GPD1L: variants seen among roughly 807,000 people sequenced by gnomAD.
GPD1L encodes the protein glycerol-3-phosphate dehydrogenase 1-like protein.
A neutral mutation model predicts 32.9 loss-of-function variants in GPD1L; 17 were observed. The ratio of observed to expected loss-of-function variants is 0.52; its 90% confidence interval spans 0.35 to 0.78. The LOEUF (loss-of-function observed/expected upper bound fraction) is 0.78, where lower values mean the gene tolerates loss of function less well. Among genes scored for constraint, GPD1L ranks in the 30% least tolerant of loss-of-function variants. GPD1L has a pLI of 0.01. For missense variants in GPD1L, 361 were observed against 447.8 expected (o/e 0.81, Z 1.75); for synonymous variants, 187 against 165.9 (o/e 1.13, Z -0.98).
intron 4 of GPD1L, among the ~76,000 whole-genome samples, chr3:32,143,035 T>G (rs1267305382): frequency 6.6e-6 from 1 of 152,056 alleles, no homozygotes; most frequent in Admixed American, 6.5e-5. Flanking sequence ...AATTTTTTAA[T>G]TAGCCTGGTA....
At chr3:32,113,650 A>G (rs1249181112) in intron 1 of GPD1L, among the ~76,000 whole-genome samples, 1 of 152,194 alleles carries the variant, frequency 6.6e-6, no homozygotes, top group Non-Finnish European at 1.5e-5. Context: ...CACAATTGGA[A>G]GAGGAGAACT....
chr3:32,154,699 C>G (rs1700963211), intron 5 of GPD1L, among the ~76,000 whole-genome samples: 1 of 152,010 alleles, frequency 6.6e-6, no homozygotes, highest in African/African-American at 2.4e-5. Flanking sequence ...GCTCTTAGAA[C>G]AGTTCAGTAA....
chr3:32,122,149 A>G (rs1436243087), intron 1 of GPD1L, among the ~76,000 whole-genome samples: 1 of 152,042 alleles, frequency 6.6e-6, no homozygotes, highest in Non-Finnish European at 1.5e-5. Context: ...GAGGATGGGG[A>G]CTTGTCTGCG....
At chr3:32,113,831 C>T (rs927411620) in intron 1 of GPD1L, among the ~76,000 whole-genome samples, 15 of 152,118 alleles carry the variant, frequency 9.9e-5, no homozygotes, top group Non-Finnish European at 5.9e-5. Flanking sequence ...TGGCTGGTGA[C>T]TTGGTTGGAC....
intron 2 of GPD1L, among the ~76,000 whole-genome samples, chr3:32,133,120 A>G (rs866583849): frequency 1.3e-4 from 20 of 152,228 alleles, no homozygotes; most frequent in African/African-American, 4.6e-4. Flanking sequence ...GTGAGTTGCC[A>G]TGGTGTCCGG....
Position 32,144,578 on chromosome 3 carries a change from T to C in GPD1L, c.506-2044T>C, listed in dbSNP as rs138324636. On this transcript the variant is annotated intron_variant, in intron 4 of 7. Transcript: ENST00000282541. ...GGGATTTTCCTGTCTTTGGTTTACA[T>C]TGAGTTTTGGGCAACCTTCCCACAT... Among the ~76,000 whole-genome samples the C allele has an allele frequency of 1.3e-4, 20 of 152,282 alleles. No individual in the cohort carries two copies. In the East Asian group the frequency reaches 1.4e-3, roughly 10 times the overall value.
chr3:32,162,911 C>G (rs1701090852), intron 7 of GPD1L, among the ~76,000 whole-genome samples: 1 of 151,484 alleles, frequency 6.6e-6, no homozygotes, highest in African/African-American at 2.4e-5. Context: ...GGCGTGTGCC[C>G]CTATACCCAG....
chr3:32,125,590 T>G (rs1229920313), intron 1 of GPD1L, among the ~76,000 whole-genome samples: 25 of 152,370 alleles, frequency 1.6e-4, no homozygotes, highest in Non-Finnish European at 1.0e-4. Context: ...TGGATCAACA[T>G]GTATTGCAGT....
rs531969575 is a variant in GPD1L, at chr3:32,115,851, C to T, written c.47+9093C>T. ...TTGCACAGGTTGGAGTGCAGTGGCA[C>T]GATCTTGGCTCACTGCAACCTCCAC... On this transcript the variant is annotated intron_variant, in intron 1 of 7. Transcript: ENST00000282541. Among the ~76,000 whole-genome samples, 25 of 136,744 alleles carry T rather than the reference C, an allele frequency of 1.8e-4. 1 individual carries two copies. Among genetic ancestry groups the T allele is most frequent in the Non-Finnish European group, 2.9e-4 (19 of 64,818 alleles). 89.7% of individuals were successfully genotyped at this position (136,744 alleles called of 152,430 possible). A position where few individuals can be genotyped will look rare whatever the true frequency, so the allele number is the denominator to read the frequency against.
chr3:32,148,037 C>T (rs866607426), intron 5 of GPD1L, among the ~76,000 whole-genome samples: 3 of 152,174 alleles, frequency 2.0e-5, no homozygotes, highest in Non-Finnish European at 4.4e-5. Flanking sequence ...ACATGTAAGA[C>T]GCTGACTTTG....
At chr3:32,163,728 G>A (rs1241779442) in intron 7 of GPD1L, among the ~76,000 whole-genome samples, 7 of 152,150 alleles carry the variant, frequency 4.6e-5, no homozygotes, top group East Asian at 1.9e-4. Flanking sequence ...CAAGTTACTC[G>A]TCTGTAGAAA....
chr3:32,165,063 G>A (rs1043096404), intron 7 of GPD1L, among the ~76,000 whole-genome samples: 1 of 152,162 alleles, frequency 6.6e-6, no homozygotes, highest in African/African-American at 2.4e-5. Context: ...AATTAGCCAG[G>A]CGTGGTGGCA....
chr3:32,154,283 G>T (rs1000442439), intron 5 of GPD1L, among the ~76,000 whole-genome samples: 1 of 152,140 alleles, frequency 6.6e-6, no homozygotes, highest in African/African-American at 2.4e-5. Context: ...AAGCTTTGGG[G>T]TGGTCTAGAC....
chr3:32,140,516 T>A, intron 4 of GPD1L, 150 bp downstream of exon 4: 1 of 867,326 alleles, frequency 1.2e-6, no homozygotes. Flanking sequence ...GGGTTTTACT[T>A]AAGGAGGCTA....
At chr3:32,120,503 G>A (rs1312576773) in intron 1 of GPD1L, among the ~76,000 whole-genome samples, 1 of 152,196 alleles carries the variant, frequency 6.6e-6, no homozygotes, top group African/African-American at 2.4e-5. Flanking sequence ...GTCTTTCTGA[G>A]TGGTGGGGGA....
intron 4 of GPD1L, 84 bp from the exon 5 acceptor site, chr3:32,146,538 A>G (rs1700828844): frequency 1.2e-6 from 1 of 811,218 alleles, no homozygotes; most frequent in African/African-American, 1.7e-5. Context: ...TATAGTAAGT[A>G]GAAACTTATT....
chr3:32,147,293 A>G (rs1317313958), intron 5 of GPD1L, among the ~76,000 whole-genome samples: 1 of 152,180 alleles, frequency 6.6e-6, no homozygotes, highest in Non-Finnish European at 1.5e-5. Context: ...ACTGTACAGT[A>G]TGCACTCTTT....
In GPD1L at chr3:32,106,848, G is replaced by A; in HGVS notation, c.47+90G>A. ...GGCTGCGCGCCCCATGCTGCGGCGT[G>A]GGCACCGGGCACTGCGCGCAGGGAG... is the stretch of plus-strand genomic sequence containing the variant. On this transcript the variant is annotated intron_variant, in intron 1 of 7. Transcript: ENST00000282541. This position sits in a 1 kb window ranked among gnomAD's most constrained non-coding sequence, Gnocchi z 4.0. 1 of 1,223,170 alleles carries A rather than the reference G, an allele frequency of 8.2e-7. No individual in the cohort carries two copies. Among genetic ancestry groups the A allele is most frequent in the Non-Finnish European group, 1.1e-6 (1 of 919,152 alleles). The allele number at this position is 1,223,170 out of a possible 1,614,324, so 75.8% of individuals were successfully genotyped here. A position where few individuals can be genotyped will look rare whatever the true frequency, so the allele number is the denominator to read the frequency against.
chr3:32,160,057 G>A (rs1433909501), intron 7 of GPD1L, among the ~76,000 whole-genome samples: 2 of 152,066 alleles, frequency 1.3e-5, no homozygotes, highest in African/African-American at 4.8e-5. Flanking sequence ...TGTCAAGTCA[G>A]AAAAGAAGGA....
Sources: allele counts gnomAD v4.1 joint callset (sites outside exome capture counted in the v4.1 genomes callset), GRCh38; gene constraint gnomAD v4.1.1; non-coding constraint Gnocchi (gnomAD v3.1); transcripts MANE v1.5; gene names NCBI Gene and HGNC (gene_info 2026-07-23, HGNC 2026-07-21).